The following MPPED2 variants were observed in gnomAD, a reference collection of about 807,000 sequenced individuals.
MPPED2 encodes the protein metallophosphoesterase MPPED2.
A neutral mutation model predicts 33.0 loss-of-function variants in MPPED2; 5 were observed. The observed-to-expected ratio is 0.15, with a 90% CI of 0.08 to 0.32. The LOEUF (loss-of-function observed/expected upper bound fraction) is 0.32, where lower values mean the gene tolerates loss of function less well. Among genes scored for constraint, MPPED2 ranks in the 10% least tolerant of loss-of-function variants. MPPED2 has a pLI of 1.00. For synonymous variants in MPPED2, 136 were observed against 141.9 expected (o/e 0.96, Z 0.29); for missense variants, 275 against 372.1 (o/e 0.74, Z 2.15).
chr11:30,503,929 C>T (rs1288183644), intron 3 of MPPED2, among the ~76,000 whole-genome samples: 1 of 152,088 alleles, frequency 6.6e-6, no homozygotes, highest in Non-Finnish European at 1.5e-5. Flanking sequence ...CTCACTTTCC[C>T]TTGGTAATGT....
At chr11:30,567,979 T>G (rs1956519888) in intron 2 of MPPED2, among the ~76,000 whole-genome samples, 2 of 152,088 alleles carry the variant, frequency 1.3e-5, no homozygotes, top group Non-Finnish European at 2.9e-5. Context: ...CACACCAAAC[T>G]TAAAGGCACG....
chr11:30,445,896 T>C (rs1949782989), intron 4 of MPPED2, among the ~76,000 whole-genome samples: 1 of 152,238 alleles, frequency 6.6e-6, no homozygotes, highest in South Asian at 2.1e-4. Flanking sequence ...CTATTGGGAA[T>C]AATGCTGCTA....
intron 6 of MPPED2, among the ~76,000 whole-genome samples, chr11:30,389,503 T>C (rs1206626732): frequency 1.3e-5 from 2 of 152,356 alleles, no homozygotes; most frequent in Non-Finnish European, 1.5e-5. Flanking sequence ...ATAAAATGTA[T>C]GCTGGTGGTT....
At chr11:30,566,599 C>G (rs1956452648) in intron 2 of MPPED2, among the ~76,000 whole-genome samples, 1 of 152,206 alleles carries the variant, frequency 6.6e-6, no homozygotes, top group Non-Finnish European at 1.5e-5. Context: ...GCAGCACTCA[C>G]TTCCTGGGGA....
Position 30,411,469 on chromosome 11 carries a change from C to T in MPPED2, c.884G>A (p.Ter295=). 1 of 1,612,584 alleles carries T rather than the reference C, an allele frequency of 6.2e-7. No homozygotes were observed. The highest frequency in any genetic ancestry group is 8.5e-7 in the Non-Finnish European group (1 of 1,178,904). The change falls in exon 7 of 7, where the codon TGA becomes TAA. Residue 295 remains the stop codon, a stop_retained_variant. Transcript: ENST00000358117. ...CATTCCAATAGGGCATTTAGAGCTT[C>T]AGGAACCCTGTGGGTTTGGAAGGTC... ...IFDLPNPQGS[*]
chr11:30,530,610 G>A (rs566216689), intron 3 of MPPED2, among the ~76,000 whole-genome samples: 1 of 152,334 alleles, frequency 6.6e-6, no homozygotes, highest in South Asian at 2.1e-4. Context: ...GGAAAGAGGT[G>A]TGAAGGGACA....
At chr11:30,536,619 T>G (rs1460136640) in intron 2 of MPPED2, among the ~76,000 whole-genome samples, 1 of 152,178 alleles carries the variant, frequency 6.6e-6, no homozygotes, top group Non-Finnish European at 1.5e-5. Flanking sequence ...TGAACTAATT[T>G]ACAGAGAGCA....
At chr11:30,456,046 C>T (rs1950266203) in intron 4 of MPPED2, among the ~76,000 whole-genome samples, 1 of 152,222 alleles carries the variant, frequency 6.6e-6, no homozygotes, top group Non-Finnish European at 1.5e-5. Context: ...ATTTCACTGT[C>T]TCTGCAGACA....
chr11:30,487,357 A>C (rs568921992), intron 4 of MPPED2, among the ~76,000 whole-genome samples: 7 of 152,290 alleles, frequency 4.6e-5, no homozygotes, highest in African/African-American at 1.4e-4. Flanking sequence ...TCTCCACTGC[A>C]TGGTTCTTCA....
intron 2 of MPPED2, among the ~76,000 whole-genome samples, chr11:30,570,449 G>A (rs982341570): frequency 1.3e-5 from 2 of 152,104 alleles, no homozygotes; most frequent in Non-Finnish European, 1.5e-5. Flanking sequence ...CATAAAAGTC[G>A]TATCATTCTT....
chr11:30,562,685 T>G (rs1043747763), intron 2 of MPPED2, among the ~76,000 whole-genome samples: 7 of 148,856 alleles, frequency 4.7e-5, no homozygotes, highest in Admixed American at 2.0e-4. Flanking sequence ...AGAGTCACAT[T>G]CTGTACTAGA....
Position 30,410,700 on chromosome 11 carries a change from CA to C in MPPED2, c.*767del, listed in dbSNP as rs1948071139. 2.0e-6 allele frequency: 2 copies of C among 984,372 alleles called. No individual in the cohort carries two copies. The highest frequency in any genetic ancestry group is 2.4e-6 in the Non-Finnish European group (2 of 828,750). The allele number at this position is 984,372 out of a possible 1,614,324, so 61.0% of individuals were successfully genotyped here. ...AAACTCCTAACGTAGTCATAATACA[CA>C]AAAAATACTTATATATATAAACCCA... On this transcript the variant is annotated 3_prime_UTR_variant, in exon 7 of 7. Transcript: ENST00000358117.
chr11:30,542,528 G>A (rs553426321), intron 2 of MPPED2, among the ~76,000 whole-genome samples: 1 of 151,082 alleles, frequency 6.6e-6, no homozygotes, highest in Admixed American at 6.6e-5. Flanking sequence ...TACTCAGAAG[G>A]CTGAGGTAAG....
At chr11:30,460,213 T>C (rs1950464593) in intron 4 of MPPED2, among the ~76,000 whole-genome samples, 1 of 152,186 alleles carries the variant, frequency 6.6e-6, no homozygotes, top group Admixed American at 6.5e-5. Flanking sequence ...TTTGCCATAG[T>C]TTTTGCTTTT....
chr11:30,457,732 A>G (rs1324273826), intron 4 of MPPED2, among the ~76,000 whole-genome samples: 1 of 152,214 alleles, frequency 6.6e-6, no homozygotes, highest in Non-Finnish European at 1.5e-5. Context: ...TGCAAAGGTC[A>G]TGCCCTTTCA....
intron 4 of MPPED2, among the ~76,000 whole-genome samples, chr11:30,449,183 A>AGAATGAAT (rs61562180): frequency 0.11 from 15,943 of 151,244 alleles, 1,095 homozygotes; most frequent in South Asian, 0.24. Context: ...AAATGTTAAG[A>AGAATGAAT]GAATGAATGA....
intron 3 of MPPED2, among the ~76,000 whole-genome samples, chr11:30,509,165 A>G (rs1952999954): frequency 6.6e-6 from 1 of 152,190 alleles, no homozygotes; most frequent in South Asian, 2.1e-4. Context: ...TGATTTTTAA[A>G]ATCTGTTATA....
At chr11:30,554,044 T>C (rs1955846405) in intron 2 of MPPED2, among the ~76,000 whole-genome samples, 1 of 152,232 alleles carries the variant, frequency 6.6e-6, no homozygotes, top group Non-Finnish European at 1.5e-5. Context: ...CTTCCTAGAC[T>C]TCTTGGTTTG....
chr11:30,421,500 G>T (rs1054855329), intron 4 of MPPED2, among the ~76,000 whole-genome samples: 1 of 151,834 alleles, frequency 6.6e-6, no homozygotes, highest in African/African-American at 2.4e-5. Flanking sequence ...ATTTATCATG[G>T]CCTTGATGTG....
Sources: gnomAD v4.1 joint callset for allele counts (sites outside exome capture counted in the v4.1 genomes callset) on GRCh38, gnomAD v4.1.1 for gene constraint, MANE v1.5 for transcripts, NCBI Gene and HGNC (gene_info 2026-07-23, HGNC 2026-07-21) for gene names.